CDCA2: variants seen among roughly 807,000 people sequenced by gnomAD.
The protein encoded by CDCA2 is cell division cycle associated 2, also known as cell division cycle-associated protein 2.
Under a neutral mutation model 67.0 loss-of-function variants are expected in CDCA2, and 44 were observed. The observed-to-expected ratio is 0.66, with a 90% CI of 0.52 to 0.84. The LOEUF (loss-of-function observed/expected upper bound fraction) is 0.84, where lower values mean the gene tolerates loss of function less well. Among genes scored for constraint, CDCA2 ranks in the 40% least tolerant of loss-of-function variants. The probability of loss-of-function intolerance (pLI) is 0.00; values close to 1 mark genes in which losing one functional copy is unlikely to be tolerated. For synonymous variants in CDCA2, 447 were observed against 418.7 expected (o/e 1.07, Z -0.82); for missense variants, 1,253 against 1,203.2 (o/e 1.04, Z -0.61).
rs906636897 is a variant in CDCA2, at chr8:25,506,605, A to G, written c.1939A>G (p.Met647Val). The G allele has an allele frequency of 1.2e-6, 2 of 1,610,540 alleles. No individual in the cohort carries two copies. The highest frequency in any genetic ancestry group is 1.7e-6 in the Non-Finnish European group (2 of 1,179,216). ...DLLRHDPDLHMHQGYDKYDVS... is the reference protein window; with the variant it reads ...DLLRHDPDLHVHQGYDKYDVS... Reference sequence around the variant, plus strand: ...TTTGCGTCATGACCCAGATTTGCATATGCATCAAGGCTATGATAAATATGA... The same window carrying G: ...TTTGCGTCATGACCCAGATTTGCATGTGCATCAAGGCTATGATAAATATGA... Residue 647 changes from methionine to valine, a missense_variant, in exon 15 of 15, where the codon ATG becomes GTG. Coordinates refer to ENST00000330560, the MANE Select transcript of CDCA2 (RefSeq NM_152562.4).
intron 7 of CDCA2, among the ~76,000 whole-genome samples, chr8:25,473,156 A>C: frequency 6.6e-6 from 1 of 152,206 alleles, no homozygotes; most frequent in East Asian, 1.9e-4. Flanking sequence ...TCTCTTCCAG[A>C]TTCATCCATG....
chr8:25,468,548 T>TGTGTGTGTGTGTGC, intron 6 of CDCA2, 135 bp downstream of exon 6: 1 of 522,152 alleles, frequency 1.9e-6, no homozygotes, highest in East Asian at 3.1e-5. Context: ...TGTGTGTGTG[T>TGTGTGTGTGTGTGC]GTGTGTGTGC....
chr8:25,470,093 A>C lies in CDCA2; in HGVS notation c.820+113A>C, dbSNP rs528863533. 4.4e-4 allele frequency: 288 copies of C among 652,536 alleles called. 1 individual carries two copies. In the African/African-American group the frequency reaches 4.8e-3, roughly 11 times the overall value. The allele number at this position is 652,536 out of a possible 1,614,324, so 40.4% of individuals were successfully genotyped here. On this transcript the variant is annotated intron_variant, in intron 7 of 14. Transcript: ENST00000330560. Reference sequence around the variant, plus strand: ...CTGAAATTGTTTCCTACTTTTTAGGAGCTCATGGCCTAGTAGAAATGCTTC... The same window carrying C: ...CTGAAATTGTTTCCTACTTTTTAGGCGCTCATGGCCTAGTAGAAATGCTTC...
chr8:25,472,851 T>C (rs2117496103), intron 7 of CDCA2, among the ~76,000 whole-genome samples: 1 of 152,320 alleles, frequency 6.6e-6, no homozygotes, highest in Non-Finnish European at 1.5e-5. Context: ...CTGTCATTTT[T>C]TTTTATGGTG....
intron 7 of CDCA2, among the ~76,000 whole-genome samples, chr8:25,475,370 T>G (rs1258397264): frequency 6.6e-6 from 1 of 152,062 alleles, no homozygotes; most frequent in East Asian, 1.9e-4. Flanking sequence ...AATACAAAAA[T>G]TAGCCAGGCG....
rs1189769522 is a variant in CDCA2 at position 25,484,175 on chromosome 8, C to T, written c.1330C>T (p.Pro444Ser). The change falls in exon 10 of 15, where the codon CCT becomes TCT. Residue 444 changes from proline (P) to serine (S), a missense_variant. Pro to Ser is a moderately conservative substitution (Grantham distance 74, BLOSUM62 -1). Transcript: ENST00000330560. ...LEQSPVPEPL[P>S]QPDFDDKGEN... The stretch of plus-strand genomic sequence containing the variant: ...GCAGTCACCTGTTCCTGAGCCATTA[C>T]CTCAACCAGATTTTGATGACAAGGG... 2 of 1,614,144 alleles carry T rather than the reference C, an allele frequency of 1.2e-6. No individual in the cohort carries two copies. The highest frequency in any genetic ancestry group is 1.3e-5 in the African/African-American group (1 of 75,042).
chr8:25,485,210 A>AATAAT (rs1554524011), intron 10 of CDCA2, among the ~76,000 whole-genome samples: 24 of 34,582 alleles, frequency 6.9e-4, no homozygotes, highest in South Asian at 4.4e-3. Context: ...TAATAATAAT[A>AATAAT]AAGAAAAAGC....
intron 7 of CDCA2, among the ~76,000 whole-genome samples, chr8:25,478,878 TTG>T (rs58378145): frequency 0.3 from 42,149 of 139,424 alleles, 6,640 homozygotes; most frequent in Middle Eastern, 0.41. Flanking sequence ...TAACTACTTG[TTG>T]TGTGTGTGTA....
chr8:25,472,028 C>T (rs1803173618), intron 7 of CDCA2: 1 of 152,170 alleles, frequency 6.6e-6, no homozygotes, highest in Non-Finnish European at 1.5e-5. Flanking sequence ...TCAAATGTCT[C>T]TTTGTTAAGG....
At chr8:25,460,698 T>G (rs1023072259) in intron 3 of CDCA2, 144 bp downstream of exon 3, 29 of 761,518 alleles carry the variant, frequency 3.8e-5, no homozygotes, top group Middle Eastern at 3.2e-4. Flanking sequence ...CAGAGAGACT[T>G]CTTTGCACAT....
chr8:25,468,194 T>C, intron 5 of CDCA2, 23 bp from the exon 6 acceptor site: 1 of 1,456,838 alleles, frequency 6.9e-7, no homozygotes, highest in Non-Finnish European at 9.2e-7. Flanking sequence ...CTGTGTCGTT[T>C]TGTTTTTATT....
chr8:25,460,701 T>C (rs1413888824), intron 3 of CDCA2, 147 bp downstream of exon 3: 1 of 753,424 alleles, frequency 1.3e-6, no homozygotes, highest in East Asian at 2.7e-5. Context: ...AGAGACTTCT[T>C]TGCACATGCA....
intron 13 of CDCA2, among the ~76,000 whole-genome samples, chr8:25,493,715 C>T (rs920008397): frequency 7.9e-5 from 12 of 152,100 alleles, no homozygotes; most frequent in East Asian, 3.9e-4. Flanking sequence ...ATTGAGATGC[C>T]GTTTCTCACC....
chr8:25,466,145 A>G, intron 4 of CDCA2, 30 bp from the exon 5 acceptor site: 1 of 1,575,738 alleles, frequency 6.3e-7, no homozygotes, highest in Non-Finnish European at 8.6e-7. Flanking sequence ...ATTGATTATA[A>G]TACTCCTTGT....
Position 25,507,103 on chromosome 8 carries a change from A to C in CDCA2, c.2437A>C (p.Arg813=), listed in dbSNP as rs114011670. ...ESKSQSEDLG[R]KPMESSSVVS... is the part of the protein sequence containing the mutation. Reference sequence around the variant, plus strand: ...TAAAAGCCAGAGTGAGGATTTGGGAAGAAAACCCATGGAAAGTAGCAGTGT... The same window carrying C: ...TAAAAGCCAGAGTGAGGATTTGGGACGAAAACCCATGGAAAGTAGCAGTGT... Residue 813 remains arginine (R), a synonymous_variant, in exon 15 of 15, where the codon AGA becomes CGA. Transcript: ENST00000330560. 6.2e-7 allele frequency: 1 copy of C among 1,614,214 alleles called. No homozygotes were observed. The highest frequency in any genetic ancestry group is 8.5e-7 in the Non-Finnish European group (1 of 1,180,034).
intron 7 of CDCA2, among the ~76,000 whole-genome samples, chr8:25,472,347 G>C (rs1466048198): frequency 6.6e-6 from 1 of 151,850 alleles, no homozygotes; most frequent in Non-Finnish European, 1.5e-5. Flanking sequence ...TGCTTCCCAG[G>C]TTCAAGCCAT....
At chr8:25,486,051 C>A (rs529338153) in intron 11 of CDCA2, among the ~76,000 whole-genome samples, 1 of 152,286 alleles carries the variant, frequency 6.6e-6, no homozygotes, top group South Asian at 2.1e-4. Context: ...AATTTACTTC[C>A]TCAGATGGAA....
At chr8:25,506,055 A>C (rs908230908) in intron 14 of CDCA2, among the ~76,000 whole-genome samples, 1 of 152,232 alleles carries the variant, frequency 6.6e-6, no homozygotes, top group Non-Finnish European at 1.5e-5. Context: ...GTTTTAGCTC[A>C]TAAGTCCTCA....
chr8:25,507,403 C>T lies in CDCA2; in HGVS notation c.2737C>T (p.Pro913Ser). Residue 913 changes from proline (P) to serine (S), a missense_variant, in exon 15 of 15, where the codon CCT becomes TCT. Transcript: ENST00000330560. Reference protein sequence around the residue: ...EGLVWISLPLPSTSQKAKRRT... With the variant: ...EGLVWISLPLSSTSQKAKRRT... ...TCTTGTATGGATTTCACTTCCACTT[C>T]CTTCCACTTCCCAAAAAGCCAAAAG... 6.2e-7 allele frequency: 1 copy of T among 1,613,908 alleles called. No homozygotes were observed. The highest frequency in any genetic ancestry group is 1.7e-5 in the Admixed American group (1 of 59,982).
Sources: allele counts gnomAD v4.1 joint callset (sites outside exome capture counted in the v4.1 genomes callset), GRCh38; gene constraint gnomAD v4.1.1; transcripts MANE v1.5; gene names NCBI Gene and HGNC (gene_info 2026-07-23, HGNC 2026-07-21).